Variants in PCBD2 observed in about 807,000 individuals in gnomAD.
PCBD2 encodes the protein pterin-4 alpha-carbinolamine dehydratase 2.
A neutral mutation model predicts 16.4 loss-of-function variants in PCBD2; 12 were observed. The ratio of observed to expected loss-of-function variants is 0.73; its 90% CI spans 0.47 to 1.19. PCBD2 has a LOEUF of 1.19. Ranked by LOEUF, PCBD2 falls within the 50% of genes most tolerant of loss-of-function variation. The pLI, the probability that PCBD2 is intolerant of heterozygous loss-of-function variation, is 0.00. For synonymous variants in PCBD2, 58 were observed against 61.8 expected, an observed-to-expected ratio of 0.94 and a Z score of 0.29; for missense variants, 138 against 156.8, an observed-to-expected ratio of 0.88 and a Z score of 0.64.
intron 2 of PCBD2, among the ~76,000 whole-genome samples, chr5:134,916,599 A>T (rs1750836030): frequency 6.6e-6 from 1 of 152,274 alleles, no homozygotes; most frequent in South Asian, 2.1e-4. Context: ...TTACTATAAG[A>T]ATAAATAGCC....
At chr5:134,916,003 TG>T (rs1457208714) in intron 2 of PCBD2, among the ~76,000 whole-genome samples, 2 of 152,036 alleles carry the variant, frequency 1.3e-5, no homozygotes, top group Non-Finnish European at 2.9e-5. Context: ...GAAAAAAATT[TG>T]GGGGCCAGGC....
intron 2 of PCBD2, among the ~76,000 whole-genome samples, chr5:134,941,443 T>A (rs974346709): frequency 2.0e-5 from 3 of 152,230 alleles, no homozygotes; most frequent in Admixed American, 6.5e-5. Context: ...AAGTATAGAA[T>A]TGCTCTTCTA....
intron 2 of PCBD2, among the ~76,000 whole-genome samples, chr5:134,919,297 T>A (rs1238166562): frequency 6.6e-6 from 1 of 152,224 alleles, no homozygotes; most frequent in Non-Finnish European, 1.5e-5. Context: ...TTGCAGATGA[T>A]ATTGGTATGA....
At chr5:134,911,812 C>T (rs576048979) in intron 2 of PCBD2, among the ~76,000 whole-genome samples, 7 of 152,236 alleles carry the variant, frequency 4.6e-5, no homozygotes, top group Non-Finnish European at 7.3e-5. Context: ...CTCCCTGTCC[C>T]CGCTGCCCCA....
chr5:134,943,731 A>G (rs1365720798), intron 2 of PCBD2, among the ~76,000 whole-genome samples: 4 of 152,104 alleles, frequency 2.6e-5, no homozygotes, highest in Non-Finnish European at 5.9e-5. Flanking sequence ...TGCAGTGTGG[A>G]CTGCAGTGGA....
At chr5:134,940,408 C>T (rs538417232) in intron 2 of PCBD2, among the ~76,000 whole-genome samples, 18 of 152,146 alleles carry the variant, frequency 1.2e-4, no homozygotes, top group East Asian at 9.7e-4. Context: ...GTGCCCACAT[C>T]CCATAGTCAT....
At chr5:134,954,706 T>C (rs1751395316) in intron 2 of PCBD2, among the ~76,000 whole-genome samples, 1 of 152,164 alleles carries the variant, frequency 6.6e-6, no homozygotes, top group South Asian at 2.1e-4. Flanking sequence ...TGACTTCTAA[T>C]GTTGAATGTT....
intron 2 of PCBD2, chr5:134,927,613 G>A (rs530440574): frequency 3.4e-4 from 136 of 398,168 alleles, no homozygotes; most frequent in Non-Finnish European, 5.5e-4. Context: ...GCGTTCAGGC[G>A]TTCTGGTTGG....
In PCBD2 at chr5:134,910,913, C is replaced by T. The variant is rs186484325; in HGVS notation, c.216+447C>T. Among the ~76,000 whole-genome samples the T allele has an allele frequency of 2.6e-5, 4 of 152,280 alleles. No homozygotes were observed. In the East Asian group the frequency reaches 5.8e-4, roughly 22 times the overall value. On this transcript the variant is annotated intron_variant, in intron 2 of 3. Transcript: ENST00000254908. ...TCAGGTGATCCTCCCACCTTAGCCTCCTGAGTAGCTGGGACTACAGGCATG... is the reference window on the plus strand; with the variant it reads ...TCAGGTGATCCTCCCACCTTAGCCTTCTGAGTAGCTGGGACTACAGGCATG...
chr5:134,947,456 C>T (rs1383373919), intron 2 of PCBD2, among the ~76,000 whole-genome samples: 1 of 140,300 alleles, frequency 7.1e-6, no homozygotes, highest in African/African-American at 2.7e-5. Context: ...TGCAGTGGCG[C>T]AGTCTTGGCT....
intron 2 of PCBD2, among the ~76,000 whole-genome samples, chr5:134,954,059 C>A (rs1042591952): frequency 2.0e-5 from 3 of 152,014 alleles, no homozygotes; most frequent in Admixed American, 6.6e-5. Flanking sequence ...CTGGGCTCGA[C>A]GGATCCCCCA....
intron 2 of PCBD2, among the ~76,000 whole-genome samples, chr5:134,944,977 T>A (rs1303033850): frequency 6.6e-6 from 1 of 152,236 alleles, no homozygotes; most frequent in Non-Finnish European, 1.5e-5. Flanking sequence ...TTTCATCCTA[T>A]GTAAGATCAA....
intron 2 of PCBD2, among the ~76,000 whole-genome samples, chr5:134,914,069 C>T (rs1236424526): frequency 6.6e-6 from 1 of 152,068 alleles, no homozygotes; most frequent in African/African-American, 2.4e-5. Context: ...GCTGAGACAG[C>T]AGTTTGTGAG....
intron 2 of PCBD2, among the ~76,000 whole-genome samples, chr5:134,935,628 T>C (rs1373197532): frequency 1.3e-5 from 2 of 152,218 alleles, no homozygotes; most frequent in Non-Finnish European, 2.9e-5. Context: ...AAGAAACTGA[T>C]AACATATTTC....
chr5:134,959,183 C>A, intron 3 of PCBD2, 63 bp downstream of exon 3: 1 of 1,191,120 alleles, frequency 8.4e-7, no homozygotes, highest in Non-Finnish European at 1.2e-6. Context: ...TTCTTTCTTC[C>A]TTGTCATCTT....
chr5:134,947,746 G>A (rs1463044841), intron 2 of PCBD2, among the ~76,000 whole-genome samples: 1 of 151,826 alleles, frequency 6.6e-6, no homozygotes, highest in Non-Finnish European at 1.5e-5. Context: ...TTAGTGGTTC[G>A]GAAGCACAAA....
rs184857764 is a variant in PCBD2 at position 134,930,459 on chromosome 5, G to A, written c.216+19993G>A. Among the ~76,000 whole-genome samples the A allele has an allele frequency of 1.2e-4, 19 of 152,322 alleles. No homozygotes were observed. The East Asian group carries it at 2.1e-3, about 17-fold the overall frequency. On this transcript the variant is annotated intron_variant, in intron 2 of 3. Coordinates refer to ENST00000254908, the MANE Select transcript of PCBD2 (RefSeq NM_032151.5). ...CATCTCCTTACTCCTAGATATCGAT[G>A]ATTCCTAATGGTGACCAGCTTATCT...
intron 1 of PCBD2, among the ~76,000 whole-genome samples, chr5:134,907,593 C>CA (rs1750711965): frequency 6.6e-6 from 1 of 151,066 alleles, no homozygotes; most frequent in South Asian, 2.1e-4. Context: ...TCAGAACTGT[C>CA]ACTGGAAAAC....
rs1383562349 is a variant in PCBD2 at position 134,961,942 on chromosome 5, T to G, written c.*1261T>G. Among the ~76,000 whole-genome samples the G allele has an allele frequency of 2.0e-5, 3 of 152,000 alleles. No homozygotes were observed. The highest frequency in any genetic ancestry group is 2.9e-5 in the Non-Finnish European group (2 of 67,966). On this transcript the variant is annotated 3_prime_UTR_variant, in exon 4 of 4. Coordinates refer to ENST00000254908, the MANE Select transcript of PCBD2 (RefSeq NM_032151.5). ...ACGCCTGACTAATTTTTAAATTTTT[T>G]GTAGAGATGGGGTCTCCCATCTTGC...
Sources: gnomAD v4.1 joint callset for allele counts (sites outside exome capture counted in the v4.1 genomes callset) on GRCh38, gnomAD v4.1.1 for gene constraint, MANE v1.5 for transcripts, NCBI Gene and HGNC (gene_info 2026-07-23, HGNC 2026-07-21) for gene names.